The following TJP1 variants were observed in gnomAD, a reference collection of about 807,000 sequenced individuals.
The protein encoded by TJP1 is tight junction protein ZO-1.
Under a neutral mutation model 194.2 loss-of-function variants are expected in TJP1, and 43 were observed. That is an observed-to-expected ratio of 0.22 (90% CI 0.17 to 0.29). The LOEUF is 0.29. Among genes scored for constraint, TJP1 ranks in the 10% least tolerant of loss-of-function variants. TJP1 has a pLI of 1.00. For missense variants in TJP1, 1,971 were observed against 2,185.7 expected (o/e 0.90, Z 1.96); for synonymous variants, 801 against 779.0 (o/e 1.03, Z -0.47).
intron 2 of TJP1, among the ~76,000 whole-genome samples, chr15:29,921,093 C>A (rs1246845094): frequency 6.6e-6 from 1 of 152,078 alleles, no homozygotes; most frequent in Admixed American, 6.5e-5. Flanking sequence ...GTTTTGAAAT[C>A]TTCATAATAA....
chr15:29,963,951 C>T (rs1862727624), intron 1 of TJP1, among the ~76,000 whole-genome samples: 2 of 152,148 alleles, frequency 1.3e-5, no homozygotes, highest in African/African-American at 4.8e-5. Flanking sequence ...TGTGCCCAGC[C>T]CACTGTAAAT....
In TJP1 at chr15:29,918,047, T is replaced by C. The variant is rs77171584; in HGVS notation, c.306+38185A>G. The stretch of plus-strand genomic sequence containing the variant: ...CTTTCTTCTCTATGACTCTGTCTAC[T>C]GTAGGTACCTCATGTAAGAAGAATC... On this transcript the variant is annotated intron_variant, in intron 2 of 28. Coordinates refer to the TJP1 transcript ENST00000356107. Among the ~76,000 whole-genome samples the C allele has an allele frequency of 2.8e-3, 428 of 152,346 alleles. 21 individuals are homozygous for C. In the East Asian group the frequency reaches 0.079, roughly 28 times the overall value.
chr15:29,924,109 T>G (rs937275593), intron 2 of TJP1, among the ~76,000 whole-genome samples: 2 of 152,228 alleles, frequency 1.3e-5, no homozygotes, highest in African/African-American at 4.8e-5. Flanking sequence ...AAACTAAATC[T>G]GTCACCCAAA....
At chr15:29,825,646 T>C (rs919867009), upstream of TJP1, among the ~76,000 whole-genome samples, 9 of 152,238 alleles carry the variant, frequency 5.9e-5, no homozygotes, top group South Asian at 2.1e-4. Context: ...AGCATATTTA[T>C]GTTATTTTTA....
intron 2 of TJP1, among the ~76,000 whole-genome samples, chr15:29,777,119 A>G (rs2047065647): frequency 3.3e-5 from 5 of 152,198 alleles, no homozygotes; most frequent in Admixed American, 3.3e-4. Flanking sequence ...TCCTGTTTGC[A>G]TACCTAGACT....
chr15:29,822,551 A>C, upstream of TJP1: 3 of 500,906 alleles, frequency 6.0e-6, no homozygotes, highest in South Asian at 8.6e-5. Context: ...CGAGGCGGGG[A>C]GGGGGCGGGG....
At chr15:29,743,338 C>CA (rs2044551435) in intron 8 of TJP1, among the ~76,000 whole-genome samples, 1 of 152,108 alleles carries the variant, frequency 6.6e-6, no homozygotes, top group Non-Finnish European at 1.5e-5. Flanking sequence ...TTCTTTAGTT[C>CA]AAACAGCTCG....
chr15:29,944,638 C>T (rs2055211587), intron 2 of TJP1, among the ~76,000 whole-genome samples: 1 of 152,156 alleles, frequency 6.6e-6, no homozygotes, highest in Admixed American at 6.5e-5. Context: ...TTTCCTTCTT[C>T]AACTGATCTT....
intron 1 of TJP1, 125 bp downstream of exon 1, chr15:29,821,877 G>T: frequency 2.1e-6 from 2 of 944,166 alleles, no homozygotes; most frequent in Non-Finnish European, 2.5e-6. Flanking sequence ...CGCCAGCCCT[G>T]CCCACCCCGC....
At chr15:29,744,335 A>T (rs1329970936) in intron 8 of TJP1, among the ~76,000 whole-genome samples, 1 of 152,220 alleles carries the variant, frequency 6.6e-6, no homozygotes, top group Non-Finnish European at 1.5e-5. Context: ...AAATGTAACT[A>T]GGTCATACAC....
intron 2 of TJP1, among the ~76,000 whole-genome samples, chr15:29,852,858 C>T (rs1056288352): frequency 6.6e-6 from 1 of 151,378 alleles, no homozygotes; most frequent in African/African-American, 2.4e-5. Flanking sequence ...GAGCCGAGAT[C>T]ATGCCATTGC....
Position 29,716,519 on chromosome 15 carries a change from T to C in TJP1, c.4202+92A>G, listed in dbSNP as rs544121520. ...CACTAGAGCCTACAGAAATCATATA[T>C]TACACTTAAATTATTTTTCTTCAAA... On this transcript the variant is annotated intron_variant, in intron 23 of 27. Transcript: ENST00000614355. The C allele has an allele frequency of 2.2e-5, 21 of 951,298 alleles. 1 individual carries two copies. Among genetic ancestry groups the C allele is most frequent in the Middle Eastern group, 2.3e-4 (1 of 4,358 alleles). 58.9% of individuals were successfully genotyped at this position (951,298 alleles called of 1,614,324 possible).
chr15:29,717,968 A>G, intron 22 of TJP1, 53 bp downstream of exon 22: 1 of 1,457,452 alleles, frequency 6.9e-7, no homozygotes, highest in Non-Finnish European at 9.5e-7. Context: ...ATTGACTAAG[A>G]GGGTTAAATT....
intron 2 of TJP1, among the ~76,000 whole-genome samples, chr15:29,891,462 C>A (rs1426330887): frequency 1.3e-5 from 2 of 152,202 alleles, no homozygotes; most frequent in African/African-American, 4.8e-5. Flanking sequence ...AGAGTTCAGG[C>A]AACCCTCATC....
intron 2 of TJP1, among the ~76,000 whole-genome samples, chr15:29,919,474 C>T (rs2054288520): frequency 6.6e-6 from 1 of 152,204 alleles, no homozygotes; most frequent in Admixed American, 6.5e-5. Flanking sequence ...AACAAAAGTT[C>T]CTGTCCTGGT....
At chr15:29,948,961 C>A (rs182184831) in intron 2 of TJP1, among the ~76,000 whole-genome samples, 47 of 140,954 alleles carry the variant, frequency 3.3e-4, no homozygotes, top group Non-Finnish European at 6.4e-4. Flanking sequence ...CACCACCACC[C>A]CCTCCACCAC....
intron 25 of TJP1, among the ~76,000 whole-genome samples, chr15:29,706,992 C>G (rs895892054): frequency 5.3e-5 from 8 of 152,108 alleles, no homozygotes; most frequent in Non-Finnish European, 1.2e-4. Flanking sequence ...AATGGTGCAT[C>G]TCACGGCTGA....
Position 29,700,285 on chromosome 15 carries a change from CA to C in TJP1, c.*1309del, listed in dbSNP as rs2041460834. 2.3e-5 allele frequency: 9 copies of C among 398,664 alleles called. No homozygotes were observed. In the East Asian group the frequency reaches 3.2e-4, roughly 14 times the overall value. 24.7% of individuals were successfully genotyped at this position (398,664 alleles called of 1,614,324 possible). A position where few individuals can be genotyped will look rare whatever the true frequency, so the allele number is the denominator to read the frequency against. On this transcript the variant is annotated 3_prime_UTR_variant, in exon 28 of 28. Coordinates refer to ENST00000614355, the MANE Select transcript of TJP1 (RefSeq NM_001330239.4). ...CTAAACAGAAATCGTGCTGATGTGCCATAATAAATTGTCTATTAGTAAAAAA... is the reference window on the plus strand; with the variant it reads ...CTAAACAGAAATCGTGCTGATGTGCCTAATAAATTGTCTATTAGTAAAAAA...
upstream of TJP1, among the ~76,000 whole-genome samples, chr15:29,825,639 A>G (rs1201206826): frequency 6.6e-6 from 1 of 152,226 alleles, no homozygotes; most frequent in Non-Finnish European, 1.5e-5. Context: ...TTAGGAAAGC[A>G]TATTTATGTT....
Sources: allele counts gnomAD v4.1 joint callset (sites outside exome capture counted in the v4.1 genomes callset), GRCh38; gene constraint gnomAD v4.1.1; transcripts MANE v1.5; gene names NCBI Gene and HGNC (gene_info 2026-07-23, HGNC 2026-07-21).